CLTC: variants seen among roughly 807,000 people sequenced by gnomAD.
CLTC encodes clathrin heavy chain 1.
Under a neutral mutation model 195.8 loss-of-function variants are expected in CLTC, and 16 were observed. That is an observed-to-expected ratio of 0.08 (90% confidence interval 0.06 to 0.12). The LOEUF (loss-of-function observed/expected upper bound fraction) is 0.12. CLTC is among the 10% of genes least tolerant of loss of function. The probability of loss-of-function intolerance (pLI) is 1.00; values close to 1 mark genes in which losing one functional copy is unlikely to be tolerated. For synonymous variants in CLTC, 667 were observed against 689.4 expected (o/e 0.97, Z 0.51); for missense variants, 796 against 2,027.0 (o/e 0.39, Z 11.66).
chr17:59,664,550 CAA>C (rs57413220), intron 9 of CLTC: 16,906 of 221,820 alleles, frequency 0.076, 3 homozygotes, highest in Non-Finnish European at 0.093. Flanking sequence ...GACCCTGTCT[CAA>C]AAAAAAAAAA....
intron 18 of CLTC, among the ~76,000 whole-genome samples, chr17:59,679,922 A>C (rs2033047381): frequency 6.6e-6 from 1 of 151,954 alleles, no homozygotes; most frequent in Non-Finnish European, 1.5e-5. Context: ...TACAAAAATT[A>C]GCCAGGTGCA....
At chr17:59,622,428 A>AT in intron 1 of CLTC, among the ~76,000 whole-genome samples, 1 of 152,042 alleles carries the variant, frequency 6.6e-6, no homozygotes, top group Admixed American at 6.6e-5. Flanking sequence ...TTTTTGCTGG[A>AT]GGTCAGTGGC....
rs756786764 is a variant in CLTC, at chr17:59,666,609, C to T, written c.1912C>T (p.Arg638Cys). The change falls in exon 12 of 32, where the codon CGT (arginine) becomes TGT (cysteine). Residue 638 changes from arginine (R) to cysteine (C), a missense_variant. Around this residue, in one of 9 missense-constraint regions of CLTC, gnomAD observed 293 missense variants for 795.6 expected, o/e 0.37. Transcript: ENST00000269122. This position sits in a 1 kb window ranked among gnomAD's most constrained non-coding sequence, Gnocchi z 4.9. ...EHFTDLYDIK[R>C]AVVHTHLLNP... is the part of the protein sequence containing the mutation. ...TTTCACTGATTTATATGATATAAAA[C>T]GTGCAGTGGTTCACACCCATCTTCT... 2 of 1,613,884 alleles carry T rather than the reference C, an allele frequency of 1.2e-6. No homozygotes were observed. The highest frequency in any genetic ancestry group is 8.5e-7 in the Non-Finnish European group (1 of 1,179,872).
chr17:59,683,612 T>A lies in CLTC; in HGVS notation c.4192-13T>A. 6.2e-7 allele frequency: 1 copy of A among 1,613,864 alleles called. No individual in the cohort carries two copies. The highest frequency in any genetic ancestry group is 8.5e-7 in the Non-Finnish European group (1 of 1,179,810). On this transcript the variant is annotated splice_polypyrimidine_tract_variant and intron_variant, in intron 26 of 31. Coordinates refer to ENST00000269122, the MANE Select transcript of CLTC (RefSeq NM_004859.4). This position sits in a 1 kb window ranked among gnomAD's most constrained non-coding sequence, Gnocchi z 6.1. ...GGAAGTAACTGACTTATGTATGGAT[T>A]TTCCCATTGTAGGTTGCCAATGTGG...
Position 59,620,158 on chromosome 17 carries a change from T to C in CLTC, c.27T>C (p.Phe9=). The C allele has an allele frequency of 1.2e-6, 2 of 1,613,978 alleles. No homozygotes were observed. Among genetic ancestry groups the C allele is most frequent in the East Asian group, 2.2e-5 (1 of 44,850 alleles). ...TGGCCCAGATTCTGCCAATTCGTTT[T>C]CAGGAGCATCTCCAGGTGCGGCCGG... MAQILPIR[F]QEHLQLQNLG... Residue 9 remains phenylalanine, a synonymous_variant, in exon 1 of 32, where the codon TTT becomes TTC. Transcript: ENST00000269122.
At chr17:59,632,135 G>A (rs1362258187) in intron 1 of CLTC, among the ~76,000 whole-genome samples, 1 of 152,072 alleles carries the variant, frequency 6.6e-6, no homozygotes, top group Non-Finnish European at 1.5e-5. Context: ...TTGGGAGGGT[G>A]AGGCGGGCGG....
intron 30 of CLTC, among the ~76,000 whole-genome samples, chr17:59,689,002 ATT>A (rs1368802489): frequency 6.6e-6 from 1 of 152,164 alleles, no homozygotes; most frequent in Non-Finnish European, 1.5e-5. Flanking sequence ...ATAACTAATA[ATT>A]TTTGTTCTAA....
At chr17:59,627,270 G>T (rs1458431124) in intron 1 of CLTC, among the ~76,000 whole-genome samples, 1 of 152,090 alleles carries the variant, frequency 6.6e-6, no homozygotes, top group African/African-American at 2.4e-5. Context: ...CAAAATACAT[G>T]GGCCATTATA....
intron 6 of CLTC, among the ~76,000 whole-genome samples, chr17:59,656,688 T>C (rs2032476560): frequency 2.1e-5 from 2 of 94,502 alleles, no homozygotes; most frequent in Admixed American, 1.2e-4. Flanking sequence ...TTTTTTTTTT[T>C]CTTGAGATGG....
chr17:59,630,157 C>T (rs972468264), intron 1 of CLTC, among the ~76,000 whole-genome samples: 6 of 152,144 alleles, frequency 3.9e-5, no homozygotes, highest in African/African-American at 1.4e-4. Context: ...TGTGCCACCA[C>T]ACCCAGCCAA....
intron 5 of CLTC, among the ~76,000 whole-genome samples, chr17:59,654,154 G>T (rs1478524931): frequency 6.6e-6 from 1 of 151,690 alleles, no homozygotes; most frequent in African/African-American, 2.4e-5. Context: ...ACATACCACT[G>T]CACCTGGCTA....
At chr17:59,667,023 C>A in intron 13 of CLTC, 46 bp downstream of exon 13, 2 of 1,483,150 alleles carry the variant, frequency 1.3e-6, no homozygotes, top group Non-Finnish European at 1.9e-6. Flanking sequence ...TTAAGGTAGC[C>A]AAGAAGAGGT....
rs765542295 is a variant in CLTC at position 59,655,858 on chromosome 17, G to C, written c.800G>C (p.Ser267Thr). 3 of 1,559,638 alleles carry C rather than the reference G, an allele frequency of 1.9e-6. No homozygotes were observed. The South Asian group carries it at 3.8e-5, about 20-fold the overall frequency. The part of the protein sequence containing the change: ...QNDFPVAMQI[S>T]EKHDVVFLIT... ...GTGTTGATTTTCTTTCTGTAGATCA[G>C]TGAAAAGCATGATGTGGTGTTCTTG... The change falls in exon 6 of 32, where the codon AGT becomes ACT. Residue 267 changes from serine (S) to threonine (T), a missense_variant. Physicochemically the swap from Ser to Thr is moderately conservative, Grantham distance 58. This residue lies in a region of CLTC where 293 missense variants were observed against 795.6 expected (regional missense o/e 0.37). Coordinates refer to ENST00000269122, the MANE Select transcript of CLTC (RefSeq NM_004859.4).
rs2033168549 is a variant in CLTC, at chr17:59,685,626, T to C, written c.4645T>C (p.Leu1549=). The C allele has an allele frequency of 1.2e-6, 2 of 1,613,992 alleles. No individual in the cohort carries two copies. Among genetic ancestry groups the C allele is most frequent in the Non-Finnish European group, 1.7e-6 (2 of 1,179,984 alleles). The change falls in exon 30 of 32, where the codon TTG becomes CTG. Residue 1549 remains leucine, a synonymous_variant. Transcript: ENST00000269122. The surrounding 1 kb of genome is among the most constrained non-coding windows in gnomAD (Gnocchi z 5.0). The part of the protein sequence containing the change: ...QYASESKDTE[L]AEELLQWFLQ... The stretch of plus-strand genomic sequence containing the variant: ...TGCTTCTGAATCTAAAGATACTGAA[T>C]TGGCTGAAGAACTCCTGCAGTGGTT...
intron 14 of CLTC, among the ~76,000 whole-genome samples, chr17:59,670,272 G>A (rs1177550685): frequency 1.6e-5 from 1 of 63,494 alleles, no homozygotes; most frequent in Non-Finnish European, 4.2e-5. Flanking sequence ...GGCAGGGGGT[G>A]TTGGGTTTTT....
intron 14 of CLTC, among the ~76,000 whole-genome samples, chr17:59,672,736 T>A (rs1296838012): frequency 6.6e-6 from 1 of 152,186 alleles, no homozygotes; most frequent in Non-Finnish European, 1.5e-5. Flanking sequence ...GTAACTAATA[T>A]CCCCTAGTCT....
Position 59,666,802 on chromosome 17 carries a change from A to C in CLTC, c.1953A>C (p.Leu651Phe). The C allele has an allele frequency of 2.5e-6, 4 of 1,608,786 alleles. No individual in the cohort carries two copies. The highest frequency in any genetic ancestry group is 3.4e-6 in the Non-Finnish European group (4 of 1,177,030). Residue 651 changes from leucine to phenylalanine, a missense_variant, in exon 13 of 32, where the codon TTA becomes TTC. Physicochemically the swap from Leu to Phe is conservative, Grantham distance 22 (BLOSUM62 0). Around this residue, in one of 9 missense-constraint regions of CLTC, gnomAD observed 293 missense variants for 795.6 expected, o/e 0.37. Transcript: ENST00000269122. The surrounding 1 kb of genome is among the most constrained non-coding windows in gnomAD (Gnocchi z 4.9). The stretch of plus-strand genomic sequence containing the variant: ...TCATTTATTTTGTCTTGTAGTGGTT[A>C]GTCAACTACTTTGGTTCCTTATCAG... ...VHTHLLNPEW[L>F]VNYFGSLSVE...
intron 1 of CLTC, among the ~76,000 whole-genome samples, chr17:59,631,531 CAG>C (rs889646937): frequency 2.6e-5 from 4 of 152,116 alleles, no homozygotes; most frequent in African/African-American, 9.7e-5. Flanking sequence ...GTAAAAGGAA[CAG>C]AAAGACCTAT....
chr17:59,625,629 C>CA lies in CLTC; in HGVS notation c.42+5457dup, dbSNP rs1408122210. On this transcript the variant is annotated intron_variant, in intron 1 of 31. Coordinates refer to ENST00000269122, the MANE Select transcript of CLTC (RefSeq NM_004859.4). ...AGGAATTCAAGACCAGCCTGGGTAA[C>CA]AGAGTTAAGACCTCGTCTCTATATT... is the stretch of plus-strand genomic sequence containing the variant. Among the ~76,000 whole-genome samples the CA allele has an allele frequency of 3.3e-5, 5 of 152,088 alleles. No homozygotes were observed. The East Asian group carries it at 9.7e-4, about 29-fold the overall frequency.
Sources: gnomAD v4.1 joint callset for allele counts (sites outside exome capture counted in the v4.1 genomes callset) on GRCh38, gnomAD v4.1.1 for gene constraint, gnomAD v4.1.1 regional missense constraint, Gnocchi (gnomAD v3.1) non-coding constraint, MANE v1.5 for transcripts, NCBI Gene and HGNC (gene_info 2026-07-23, HGNC 2026-07-21) for gene names.